The following B4GALT2 variants were observed in gnomAD, a reference collection of about 807,000 sequenced individuals.
B4GALT2 encodes N-acetyllactosamine synthase.
In B4GALT2, 18 loss-of-function variants were observed where a neutral mutation model predicts 33.2. The observed-to-expected ratio is 0.54, with a 90% CI of 0.38 to 0.80. The LOEUF is 0.80. B4GALT2 is among the 30% of genes least tolerant of loss of function. B4GALT2 has a pLI of 0.00. For missense variants in B4GALT2, 404 were observed against 526.2 expected (o/e 0.77, Z 2.27); for synonymous variants, 214 against 217.6 (o/e 0.98, Z 0.15).
rs1337320943 is a variant in B4GALT2, at chr1:43,984,793, C to T, written c.550-72C>T. ...GGCTGGTAGATCCCCAGAGACTGCTCTGGAGAGTGGCAAAAGGGCAGGTGC... is the reference window on the plus strand; with the variant it reads ...GGCTGGTAGATCCCCAGAGACTGCTTTGGAGAGTGGCAAAAGGGCAGGTGC... On this transcript the variant is annotated intron_variant, in intron 3 of 6. Coordinates refer to ENST00000372324, the MANE Select transcript of B4GALT2 (RefSeq NM_003780.5). The surrounding 1 kb of genome is among the most constrained non-coding windows in gnomAD (Gnocchi z 5.6). 6.6e-7 allele frequency: 1 copy of T among 1,507,650 alleles called. No homozygotes were observed. Among genetic ancestry groups the T allele is most frequent in the Non-Finnish European group, 9.1e-7 (1 of 1,102,274 alleles). The allele number at this position is 1,507,650 out of a possible 1,614,324, so 93.4% of individuals were successfully genotyped here.
chr1:43,990,541 A>C lies in B4GALT2; in HGVS notation c.*93A>C. On this transcript the variant is annotated 3_prime_UTR_variant, in exon 7 of 7. Coordinates refer to ENST00000372324, the MANE Select transcript of B4GALT2 (RefSeq NM_003780.5). ...AGCTGCTCTGTGGAGGACCTCCAGG[A>C]CTGAGACTGGGCTCTGTTTTCCAAG... is the stretch of plus-strand genomic sequence containing the variant. 4 of 1,526,180 alleles carry C rather than the reference A, an allele frequency of 2.6e-6. No homozygotes were observed. In the South Asian group the frequency reaches 4.6e-5, roughly 18 times the overall value. 94.5% of individuals were successfully genotyped at this position (1,526,180 alleles called of 1,614,324 possible).
intron 6 of B4GALT2, among the ~76,000 whole-genome samples, chr1:43,989,390 G>A (rs2085697545): frequency 6.6e-6 from 1 of 151,488 alleles, no homozygotes; most frequent in South Asian, 2.1e-4. Flanking sequence ...TTTTATAAAG[G>A]GTTACAACCT....
chr1:43,985,111 C>T (rs1050855837), intron 4 of B4GALT2, 56 bp downstream of exon 4: 10 of 1,594,662 alleles, frequency 6.3e-6, no homozygotes, highest in Non-Finnish European at 6.0e-6. Context: ...AGACGCAGGC[C>T]CACTTCCAGC....
intron 6 of B4GALT2, chr1:43,986,099 T>G (rs2085656432): frequency 5.9e-6 from 1 of 170,314 alleles, no homozygotes; most frequent in South Asian, 1.4e-4. Flanking sequence ...CCTCTGAAAT[T>G]GAAGGAGGTG....
Position 43,981,290 on chromosome 1 carries a change from C to A in B4GALT2, c.130C>A (p.Arg44Ser). The A allele has an allele frequency of 6.2e-7, 1 of 1,605,702 alleles. No individual in the cohort carries two copies. The highest frequency in any genetic ancestry group is 8.5e-7 in the Non-Finnish European group (1 of 1,179,894). The part of the protein sequence containing the change: ...VYAQHLAFFS[R>S]FSARGPAHAL... ...CGCCCAGCACCTGGCCTTCTTCAGC[C>A]GCTTCAGTGCCCGAGGCCCTGCCCA... is the stretch of plus-strand genomic sequence containing the variant. Residue 44 changes from arginine (R) to serine (S), a missense_variant, in exon 2 of 7, where the codon CGC (arginine) becomes AGC (serine). Physicochemically the swap from Arg to Ser is moderately radical, Grantham distance 110 (BLOSUM62 -1). Coordinates refer to ENST00000372324, the MANE Select transcript of B4GALT2 (RefSeq NM_003780.5). This position sits in a 1 kb window ranked among gnomAD's most constrained non-coding sequence, Gnocchi z 8.1.
chr1:43,982,284 C>A lies in B4GALT2; in HGVS notation c.549+360C>A, dbSNP rs1015807143. Among the ~76,000 whole-genome samples the A allele has an allele frequency of 4.6e-5, 7 of 152,112 alleles. No homozygotes were observed. The highest frequency in any genetic ancestry group is 1.4e-4 in the African/African-American group (6 of 41,434). ...TAGAACCCTTTGGGGTAGGTGCCAG[C>A]CACAGCTGAGGCCAGGGCACTCAGC... On this transcript the variant is annotated intron_variant, in intron 3 of 6. Transcript: ENST00000372324. The surrounding 1 kb of genome is among the most constrained non-coding windows in gnomAD (Gnocchi z 4.3).
At chr1:43,985,437 GGGGGGA>G (rs755523308) in intron 5 of B4GALT2, 37 bp downstream of exon 5, 99 of 713,582 alleles carry the variant, frequency 1.4e-4, no homozygotes, top group Non-Finnish European at 1.8e-4. Flanking sequence ...GCTGGGTGGG[GGGGGGA>G]GGGGGGGTGC....
In B4GALT2 at chr1:43,984,133, G is replaced by T. The variant is rs1364676795; in HGVS notation, c.550-732G>T. Among the ~76,000 whole-genome samples the T allele has an allele frequency of 6.6e-6, 1 of 152,216 alleles. No homozygotes were observed. The highest frequency in any genetic ancestry group is 2.4e-5 in the African/African-American group (1 of 41,472). On this transcript the variant is annotated intron_variant, in intron 3 of 6. Coordinates refer to ENST00000372324, the MANE Select transcript of B4GALT2 (RefSeq NM_003780.5). The surrounding 1 kb of genome is among the most constrained non-coding windows in gnomAD (Gnocchi z 5.6). ...GACCCCTGCAGCCCCAATTCTCAGG[G>T]GACCCCAGGCTTGCTGGGCTGTGAC... is the stretch of plus-strand genomic sequence containing the variant.
At position 43,980,062 on chromosome 1, in the gene B4GALT2, A is replaced by C. The variant is rs1454584691; in HGVS notation, c.-53+551A>C. On this transcript the variant is annotated intron_variant, in intron 1 of 6. Coordinates refer to ENST00000372324, the MANE Select transcript of B4GALT2 (RefSeq NM_003780.5). Reference sequence around the variant, plus strand: ...GGCCTTGTTTGTGAGTGTGGGACTTAGTGTGTTACTGTCACCCGGGTGTGT... The same window carrying C: ...GGCCTTGTTTGTGAGTGTGGGACTTCGTGTGTTACTGTCACCCGGGTGTGT... 129 of 1,495,444 alleles carry C rather than the reference A, an allele frequency of 8.6e-5. 1 individual carries two copies. The East Asian group carries it at 3.5e-3, about 40-fold the overall frequency. The allele number at this position is 1,495,444 out of a possible 1,614,324, so 92.6% of individuals were successfully genotyped here. A position where few individuals can be genotyped will look rare whatever the true frequency, so the allele number is the denominator to read the frequency against.
At chr1:43,983,963 CACTCACCGATCCCCTCTCCAGGA>C (rs1394372794) in intron 3 of B4GALT2, among the ~76,000 whole-genome samples, 1 of 152,164 alleles carries the variant, frequency 6.6e-6, no homozygotes, top group Non-Finnish European at 1.5e-5. Flanking sequence ...CCAGAAAGGC[CACTCACCGATCCCCTCTCCAGGA>C]ACCTTTCTGG....
Position 43,985,814 on chromosome 1 carries a change from A to C in B4GALT2, c.968+193A>C, listed in dbSNP as rs2085653003. On this transcript the variant is annotated intron_variant, in intron 6 of 6. Transcript: ENST00000372324. ...CCCCTCAGGACTGCTGGCACCCCTG[A>C]TCGTTGTCCCCCAACCCCCAGCCCA... is the stretch of plus-strand genomic sequence containing the variant. 4.9e-6 allele frequency: 3 copies of C among 613,610 alleles called. No individual in the cohort carries two copies. In the African/African-American group the frequency reaches 5.5e-5, roughly 11 times the overall value. 38.0% of individuals were successfully genotyped at this position (613,610 alleles called of 1,614,324 possible). A position where few individuals can be genotyped will look rare whatever the true frequency, so the allele number is the denominator to read the frequency against.
chr1:43,986,427 C>T (rs1243047623), intron 6 of B4GALT2, among the ~76,000 whole-genome samples: 1 of 152,164 alleles, frequency 6.6e-6, no homozygotes, highest in Non-Finnish European at 1.5e-5. Flanking sequence ...GAAATAGTTA[C>T]TCATTTAACA....
At position 43,984,765 on chromosome 1, in the gene B4GALT2, G is replaced by T; in HGVS notation, c.550-100G>T. ...AGAGCCTGGAGGAGCCATGCAGCGA[G>T]GGGGCTGGTAGATCCCCAGAGACTG... On this transcript the variant is annotated intron_variant, in intron 3 of 6. Transcript: ENST00000372324. This position sits in a 1 kb window ranked among gnomAD's most constrained non-coding sequence, Gnocchi z 5.6. 3 of 1,259,564 alleles carry T rather than the reference G, an allele frequency of 2.4e-6. No homozygotes were observed. The highest frequency in any genetic ancestry group is 2.1e-5 in the Admixed American group (1 of 47,202). 78.0% of individuals were successfully genotyped at this position (1,259,564 alleles called of 1,614,324 possible). A position where few individuals can be genotyped will look rare whatever the true frequency, so the allele number is the denominator to read the frequency against.
In B4GALT2 at chr1:43,990,657, T is replaced by A; in HGVS notation, c.*209T>A. ...TGGGCAGGCTCTTCAAGTGTGGCCC[T>A]CTTTGGAGTCAACCCTCCTTCCCGA... On this transcript the variant is annotated 3_prime_UTR_variant, in exon 7 of 7. Transcript: ENST00000372324. The A allele has an allele frequency of 1.5e-6, 1 of 656,214 alleles. No homozygotes were observed. Among genetic ancestry groups the A allele is most frequent in the African/African-American group, 1.8e-5 (1 of 54,964 alleles). The allele number at this position is 656,214 out of a possible 1,614,324, so 40.6% of individuals were successfully genotyped here.
At chr1:43,980,869 A>G (rs555908629) in intron 1 of B4GALT2, among the ~76,000 whole-genome samples, 1 of 152,138 alleles carries the variant, frequency 6.6e-6, no homozygotes, top group African/African-American at 2.4e-5. Context: ...GAGGTGGAGG[A>G]AGGTAAATGT....
At position 43,990,672 on chromosome 1, in the gene B4GALT2, C is replaced by T. The variant is rs532690216; in HGVS notation, c.*224C>T. ...AGTGTGGCCCTCTTTGGAGTCAACC[C>T]TCCTTCCCGACCCCCTCCCCCTAGC... On this transcript the variant is annotated 3_prime_UTR_variant, in exon 7 of 7. Coordinates refer to ENST00000372324, the MANE Select transcript of B4GALT2 (RefSeq NM_003780.5). 6.9e-4 allele frequency: 418 copies of T among 604,664 alleles called. 13 individuals are homozygous for T. The highest frequency in any genetic ancestry group is 6.8e-3 in the South Asian group (338 of 49,856). The allele number at this position is 604,664 out of a possible 1,614,324, so 37.5% of individuals were successfully genotyped here. A position where few individuals can be genotyped will look rare whatever the true frequency, so the allele number is the denominator to read the frequency against.
In B4GALT2 at chr1:43,985,545, C is replaced by G. The variant is rs763420671; in HGVS notation, c.892C>G (p.Arg298Gly). ...RISLTGMKIS[R>G]PDIRIGRYRM... is the part of the protein sequence containing the mutation. The stretch of plus-strand genomic sequence containing the variant: ...CTCCCTGACTGGGATGAAGATCTCA[C>G]GCCCAGACATCCGAATCGGCCGCTA... Residue 298 changes from arginine to glycine, a missense_variant, in exon 6 of 7, where the codon CGC (arginine) becomes GGC (glycine). Coordinates refer to ENST00000372324, the MANE Select transcript of B4GALT2 (RefSeq NM_003780.5). 5.0e-6 allele frequency: 8 copies of G among 1,613,760 alleles called. No homozygotes were observed. Among genetic ancestry groups the G allele is most frequent in the Non-Finnish European group, 6.8e-6 (8 of 1,179,966 alleles).
chr1:43,989,504 T>C (rs150001733), intron 6 of B4GALT2, among the ~76,000 whole-genome samples: 114 of 152,252 alleles, frequency 7.5e-4, no homozygotes, highest in African/African-American at 2.6e-3. Flanking sequence ...GTTGAATGGA[T>C]TGGTCAACAG....
intron 1 of B4GALT2, chr1:43,980,165 G>A (rs915618919): frequency 8.8e-7 from 1 of 1,136,742 alleles, no homozygotes; most frequent in African/African-American, 1.6e-5. Flanking sequence ...CTGTGTGCCT[G>A]TGAGACTCAC....
Sources: allele counts gnomAD v4.1 joint callset (sites outside exome capture counted in the v4.1 genomes callset), GRCh38; gene constraint gnomAD v4.1.1; non-coding constraint Gnocchi (gnomAD v3.1); transcripts MANE v1.5; gene names NCBI Gene and HGNC (gene_info 2026-07-23, HGNC 2026-07-21).